The following NLK variants were observed in gnomAD, a reference collection of about 807,000 sequenced individuals.
NLK encodes serine/threonine-protein kinase NLK.
In NLK, 11 loss-of-function variants were observed where a neutral mutation model predicts 59.0. The ratio of observed to expected loss-of-function variants is 0.19; its 90% CI spans 0.12 to 0.31. The LOEUF is 0.31. Ranked by LOEUF, NLK falls within the 10% of genes least tolerant of loss-of-function variation. NLK has a pLI of 1.00. For synonymous variants in NLK, 235 were observed against 235.9 expected, an observed-to-expected ratio of 1.00 and a Z score of 0.03; for missense variants, 410 against 661.1, an observed-to-expected ratio of 0.62 and a Z score of 4.16.
chr17:28,065,304 A>C (rs1909790425), intron 1 of NLK, among the ~76,000 whole-genome samples: 1 of 151,946 alleles, frequency 6.6e-6, no homozygotes, highest in Non-Finnish European at 1.5e-5. Context: ...TATTTGAGTT[A>C]AATTTTGATG....
chr17:28,167,868 T>G (rs1399667149), intron 5 of NLK, among the ~76,000 whole-genome samples: 1 of 151,988 alleles, frequency 6.6e-6, no homozygotes, highest in Non-Finnish European at 1.5e-5. Context: ...TCACCTAGTT[T>G]TTTTTGCTTC....
intron 1 of NLK, among the ~76,000 whole-genome samples, chr17:28,059,815 T>C (rs1909567267): frequency 6.6e-6 from 1 of 152,164 alleles, no homozygotes; most frequent in Admixed American, 6.5e-5. Flanking sequence ...AAACCACTAA[T>C]GTGAAGTCAC....
At chr17:28,113,201 A>T (rs1372649409) in intron 1 of NLK, among the ~76,000 whole-genome samples, 1 of 152,226 alleles carries the variant, frequency 6.6e-6, no homozygotes, top group Non-Finnish European at 1.5e-5. Context: ...TCAATGGTGT[A>T]TCACAAAGTG....
intron 3 of NLK, among the ~76,000 whole-genome samples, chr17:28,133,026 G>A (rs979871453): frequency 6.6e-6 from 1 of 152,228 alleles, no homozygotes; most frequent in Non-Finnish European, 1.5e-5. Flanking sequence ...ACAGCTGCCT[G>A]TCGGTTAAGA....
At chr17:28,081,458 T>A (rs1910344796) in intron 1 of NLK, among the ~76,000 whole-genome samples, 1 of 152,168 alleles carries the variant, frequency 6.6e-6, no homozygotes, top group Admixed American at 6.6e-5. Flanking sequence ...TTGGTAGGTG[T>A]TAGTAATTAT....
At chr17:28,134,244 A>C (rs1486038589) in intron 3 of NLK, among the ~76,000 whole-genome samples, 1 of 151,728 alleles carries the variant, frequency 6.6e-6, no homozygotes, top group Non-Finnish European at 1.5e-5. Flanking sequence ...CCAAAAATAC[A>C]AAAAAAATTA....
At chr17:28,162,321 G>A (rs1908040984) in intron 4 of NLK, among the ~76,000 whole-genome samples, 1 of 151,950 alleles carries the variant, frequency 6.6e-6, no homozygotes, top group South Asian at 2.1e-4. Flanking sequence ...AGCCACATAA[G>A]CAATATTAAA....
chr17:28,160,053 C>T (rs1367906507), intron 3 of NLK, among the ~76,000 whole-genome samples: 1 of 152,134 alleles, frequency 6.6e-6, no homozygotes, highest in African/African-American at 2.4e-5. Flanking sequence ...ATATACCAGT[C>T]TGCACTTAAG....
chr17:28,071,286 G>T (rs1909999131), intron 1 of NLK, among the ~76,000 whole-genome samples: 1 of 152,144 alleles, frequency 6.6e-6, no homozygotes, highest in Non-Finnish European at 1.5e-5. Context: ...GAAGCTTTGT[G>T]TTTTCATATC....
intron 1 of NLK, chr17:28,062,010 T>C (rs1210107881): frequency 2.0e-5 from 3 of 150,838 alleles, no homozygotes; most frequent in East Asian, 1.9e-4. Flanking sequence ...TGCTGGACTT[T>C]CCATCCATCT....
downstream of NLK, among the ~76,000 whole-genome samples, chr17:28,200,056 C>T (rs1053314636): frequency 1.3e-5 from 2 of 152,186 alleles, no homozygotes; most frequent in African/African-American, 2.4e-5. Flanking sequence ...ATTCTGAATA[C>T]AGGTCTTTTG....
chr17:28,045,089 T>C (rs1909006654), intron 1 of NLK, among the ~76,000 whole-genome samples: 1 of 152,168 alleles, frequency 6.6e-6, no homozygotes, highest in African/African-American at 2.4e-5. Flanking sequence ...GTACTATGAA[T>C]CTTTGATATC....
intron 4 of NLK, among the ~76,000 whole-genome samples, chr17:28,162,043 T>G (rs1908027767): frequency 6.6e-6 from 1 of 151,392 alleles, no homozygotes; most frequent in African/African-American, 2.4e-5. Flanking sequence ...TCAGACAGAG[T>G]CTTGCTCTGT....
At chr17:28,197,849 T>C (rs1021165447), downstream of NLK, among the ~76,000 whole-genome samples, 3 of 152,152 alleles carry the variant, frequency 2.0e-5, no homozygotes, top group Non-Finnish European at 4.4e-5. Flanking sequence ...AGAAAACAAA[T>C]TGAGTTTACT....
intron 2 of NLK, among the ~76,000 whole-genome samples, chr17:28,129,192 T>A (rs1906413565): frequency 6.6e-6 from 1 of 152,206 alleles, no homozygotes; most frequent in South Asian, 2.1e-4. Context: ...CAGTGTCTCA[T>A]GCCTGTAATC....
chr17:28,062,415 CTG>C (rs1408911197), intron 1 of NLK, among the ~76,000 whole-genome samples: 3 of 152,134 alleles, frequency 2.0e-5, no homozygotes, highest in Admixed American at 6.5e-5. Flanking sequence ...CTTAAAATGA[CTG>C]TATAGATTTT....
intron 7 of NLK, among the ~76,000 whole-genome samples, chr17:28,184,903 G>T (rs913459749): frequency 6.6e-6 from 1 of 152,090 alleles, no homozygotes; most frequent in African/African-American, 2.4e-5. Flanking sequence ...AACCAAGATG[G>T]CGCCACTGCA....
Position 28,191,137 on chromosome 17 carries a change from T to C in NLK, c.1353T>C (p.Tyr451=). The C allele has an allele frequency of 1.2e-6, 2 of 1,613,942 alleles. No homozygotes were observed. The highest frequency in any genetic ancestry group is 2.2e-5 in the South Asian group (2 of 91,064). ...TTTCCACCTCCACTGGAAGAGTTTA[T>C]ACCAGTGACTTTGAGCCTGTCACCA... is the stretch of plus-strand genomic sequence containing the variant. ...CCFSTSTGRV[Y]TSDFEPVTNP... is the part of the protein sequence containing the mutation. The change falls in exon 9 of 11, where the codon TAT becomes TAC. Residue 451 remains tyrosine, a synonymous_variant. Transcript: ENST00000407008.
intron 1 of NLK, among the ~76,000 whole-genome samples, chr17:28,065,807 A>G (rs1436424124): frequency 6.6e-6 from 1 of 152,188 alleles, no homozygotes; most frequent in East Asian, 1.9e-4. Flanking sequence ...TTCATGGTAT[A>G]TAACCTTTGT....
Sources: gnomAD v4.1 joint callset for allele counts (sites outside exome capture counted in the v4.1 genomes callset) on GRCh38, gnomAD v4.1.1 for gene constraint, MANE v1.5 for transcripts, NCBI Gene and HGNC (gene_info 2026-07-23, HGNC 2026-07-21) for gene names.